TECPR2: variants seen among roughly 807,000 people sequenced by gnomAD.
The protein encoded by TECPR2 is tectonin beta-propeller repeat-containing protein 2.
In TECPR2, 65 loss-of-function variants were observed where a neutral mutation model predicts 138.1. The observed-to-expected ratio is 0.47, with a 90% CI of 0.39 to 0.58. The LOEUF (loss-of-function observed/expected upper bound fraction) is 0.58. Among genes scored for constraint, TECPR2 ranks in the 20% least tolerant of loss-of-function variants. The pLI is 0.00. For missense variants in TECPR2, 1,553 were observed against 1,824.5 expected (o/e 0.85, Z 2.71); for synonymous variants, 746 against 749.8 (o/e 0.99, Z 0.08).
intron 8 of TECPR2, among the ~76,000 whole-genome samples, chr14:102,432,755 C>T (rs1889543261): frequency 6.6e-6 from 1 of 151,128 alleles, no homozygotes; most frequent in South Asian, 2.1e-4. Context: ...CCTGTAATCC[C>T]AACACTTTGG....
Position 102,450,582 on chromosome 14 carries a change from T to A in TECPR2, c.3339T>A (p.Val1113=). Reference sequence around the variant, plus strand: ...CAGGCACCTACTGGAATCATGTGGTTCCCCGTGGGACAGCTTCTGCTACAA... The same window carrying A: ...CAGGCACCTACTGGAATCATGTGGTACCCCGTGGGACAGCTTCTGCTACAA... ...SLIGTYWNHV[V]PRGTASATKW... is the part of the protein sequence containing the mutation. The change falls in exon 15 of 20, where the codon GTT becomes GTA. Residue 1113 remains valine, a synonymous_variant. Coordinates refer to ENST00000359520, the MANE Select transcript of TECPR2 (RefSeq NM_014844.5). 6.2e-7 allele frequency: 1 copy of A among 1,614,196 alleles called. No individual in the cohort carries two copies. The highest frequency in any genetic ancestry group is 8.5e-7 in the Non-Finnish European group (1 of 1,180,036).
Position 102,499,135 on chromosome 14 carries a change from A to ATGGAACC in TECPR2, c.*883_*889dup. The ATGGAACC allele has an allele frequency of 1.4e-6, 1 of 702,994 alleles. No homozygotes were observed. Among genetic ancestry groups the ATGGAACC allele is most frequent in the Non-Finnish European group, 2.6e-6 (1 of 384,990 alleles). The allele number at this position is 702,994 out of a possible 1,614,324, so 43.5% of individuals were successfully genotyped here. A position where few individuals can be genotyped will look rare whatever the true frequency, so the allele number is the denominator to read the frequency against. On this transcript the variant is annotated 3_prime_UTR_variant, in exon 20 of 20. Transcript: ENST00000359520. ...AAACAGTAAAGCCTGATGGGTGCAA[A>ATGGAACC]TGGAACCTGGATGTGTGCACGTGTG...
At position 102,432,129 on chromosome 14, in the gene TECPR2, G is replaced by C; in HGVS notation, c.1417+1G>C. 1 of 1,551,926 alleles carries C rather than the reference G, an allele frequency of 6.4e-7. No individual in the cohort carries two copies. The highest frequency in any genetic ancestry group is 8.7e-7 in the Non-Finnish European group (1 of 1,145,190). On this transcript the variant is annotated splice_donor_variant, in intron 8 of 19. Coordinates refer to ENST00000359520, the MANE Select transcript of TECPR2 (RefSeq NM_014844.5). LOFTEE classifies it high-confidence loss of function. ...AGGAAGAAGAAGAAGAAGAAGACAGGTACCCTCTGTAGCTGGCACACACCC... is the reference window on the plus strand; with the variant it reads ...AGGAAGAAGAAGAAGAAGAAGACAGCTACCCTCTGTAGCTGGCACACACCC...
chr14:102,440,316 G>A lies in TECPR2; in HGVS notation c.2579-120G>A, dbSNP rs1889794729. On this transcript the variant is annotated intron_variant, in intron 10 of 19. Coordinates refer to ENST00000359520, the MANE Select transcript of TECPR2 (RefSeq NM_014844.5). ...TCTGGTGGCCTCTTTCCCCACTTGG[G>A]GGGACAGAACAGGATGTGTTTTAGA... 4.4e-6 allele frequency: 6 copies of A among 1,373,196 alleles called. No homozygotes were observed. The South Asian group carries it at 8.5e-5, about 19-fold the overall frequency. 85.1% of individuals were successfully genotyped at this position (1,373,196 alleles called of 1,614,324 possible).
intron 1 of TECPR2, among the ~76,000 whole-genome samples, chr14:102,364,475 G>C (rs1025934898): frequency 6.6e-6 from 1 of 152,156 alleles, no homozygotes; most frequent in Non-Finnish European, 1.5e-5. Context: ...AAAGATCATG[G>C]TCTGGCCCAT....
At chr14:102,425,737 G>T (rs1042008701) in intron 6 of TECPR2, among the ~76,000 whole-genome samples, 5 of 151,760 alleles carry the variant, frequency 3.3e-5, no homozygotes, top group African/African-American at 1.2e-4. Context: ...CACCACGCCT[G>T]GCTAATTTTT....
At position 102,438,237 on chromosome 14, in the gene TECPR2, T is replaced by TGCTCCCGCTCGCC. The variant is rs766979758; in HGVS notation, c.2578+38_2578+50dup. On this transcript the variant is annotated intron_variant, in intron 10 of 19. Coordinates refer to ENST00000359520, the MANE Select transcript of TECPR2 (RefSeq NM_014844.5). ...CTCCCCGCTCCCTGCTCCCGCTCCC[T>TGCTCCCGCTCGCC]GCTCCCGCTCGCCGCTCCTGCTCCC... 3.9e-5 allele frequency: 44 copies of TGCTCCCGCTCGCC among 1,139,870 alleles called. No homozygotes were observed. The East Asian group carries it at 6.5e-4, about 17-fold the overall frequency. The allele number at this position is 1,139,870 out of a possible 1,614,324, so 70.6% of individuals were successfully genotyped here. A position where few individuals can be genotyped will look rare whatever the true frequency, so the allele number is the denominator to read the frequency against.
chr14:102,437,404 G>A (rs1365846106), intron 9 of TECPR2, among the ~76,000 whole-genome samples: 4 of 152,086 alleles, frequency 2.6e-5, no homozygotes, highest in East Asian at 1.9e-4. Context: ...AAAAATAGCC[G>A]GGTGTGGTGG....
At chr14:102,431,710 TG>T (rs1889496244) in intron 7 of TECPR2, 85 bp from the exon 8 acceptor site, 1 of 1,324,536 alleles carries the variant, frequency 7.5e-7, no homozygotes, top group East Asian at 2.4e-5. Context: ...CTGTGACAAC[TG>T]GTATTTAGGG....
Position 102,420,294 on chromosome 14 carries a change from A to G in TECPR2, c.639-4685A>G, listed in dbSNP as rs1259259423. On this transcript the variant is annotated intron_variant, in intron 5 of 19. Coordinates refer to ENST00000359520, the MANE Select transcript of TECPR2 (RefSeq NM_014844.5). This position sits in a 1 kb window ranked among gnomAD's most constrained non-coding sequence, Gnocchi z 4.1. ...TTGTTTATGATTTTAGAATCCTGCA[A>G]TACTTAGACCTTAAAAGTTGGAGCT... Among the ~76,000 whole-genome samples the G allele has an allele frequency of 6.6e-6, 1 of 152,192 alleles. No individual in the cohort carries two copies. The highest frequency in any genetic ancestry group is 1.5e-5 in the Non-Finnish European group (1 of 68,036).
chr14:102,427,098 T>C (rs1473942114), intron 6 of TECPR2, among the ~76,000 whole-genome samples: 4 of 150,664 alleles, frequency 2.7e-5, no homozygotes, highest in Non-Finnish European at 5.9e-5. Context: ...TAAAATGGGG[T>C]GGGGGTGGAA....
chr14:102,496,299 C>T (rs1299627504), intron 17 of TECPR2, among the ~76,000 whole-genome samples: 2 of 152,110 alleles, frequency 1.3e-5, no homozygotes, highest in South Asian at 2.1e-4. Flanking sequence ...GTGCTGTGCT[C>T]GCGGGCATGG....
chr14:102,394,336 T>C (rs968739194), intron 2 of TECPR2, among the ~76,000 whole-genome samples: 5 of 152,202 alleles, frequency 3.3e-5, no homozygotes, highest in Non-Finnish European at 5.9e-5. Context: ...CCAGGCACGG[T>C]GGCTCACACC....
intron 2 of TECPR2, among the ~76,000 whole-genome samples, chr14:102,400,938 G>A (rs1888460074): frequency 6.6e-6 from 1 of 152,054 alleles, no homozygotes; most frequent in African/African-American, 2.4e-5. Context: ...GGAGGCTGAA[G>A]CAGAGAATTG....
intron 5 of TECPR2, among the ~76,000 whole-genome samples, chr14:102,417,366 A>G (rs979607126): frequency 5.3e-5 from 8 of 152,248 alleles, no homozygotes; most frequent in Non-Finnish European, 1.2e-4. Context: ...GAGGCGTGAC[A>G]GCAAGTACGG....
At chr14:102,467,892 A>G (rs1251469460) in intron 17 of TECPR2, among the ~76,000 whole-genome samples, 1 of 150,918 alleles carries the variant, frequency 6.6e-6, no homozygotes, top group Non-Finnish European at 1.5e-5. Context: ...GCTGGAGTGC[A>G]GTGGCGCAAT....
chr14:102,402,513 A>T (rs1888520538), intron 2 of TECPR2, among the ~76,000 whole-genome samples: 1 of 152,130 alleles, frequency 6.6e-6, no homozygotes, highest in Non-Finnish European at 1.5e-5. Flanking sequence ...AACTAAACTC[A>T]AAACTAGCAG....
At chr14:102,388,434 C>T (rs1411864830) in intron 2 of TECPR2, among the ~76,000 whole-genome samples, 6 of 152,190 alleles carry the variant, frequency 3.9e-5, no homozygotes, top group Non-Finnish European at 8.8e-5. Flanking sequence ...TGGCTCATGC[C>T]TGTAATCCCA....
At position 102,449,833 on chromosome 14, in the gene TECPR2, A is replaced by G; in HGVS notation, c.3280A>G (p.Lys1094Glu). 6.2e-7 allele frequency: 1 copy of G among 1,614,110 alleles called. No individual in the cohort carries two copies. The highest frequency in any genetic ancestry group is 1.7e-5 in the Admixed American group (1 of 60,022). The change falls in exon 14 of 20, where the codon AAG becomes GAG. Residue 1094 changes from lysine to glutamate, a missense_variant. Physicochemically the swap from Lys to Glu is moderately conservative, Grantham distance 56 (BLOSUM62 1). Transcript: ENST00000359520. ...CAGCGGTGTCTGGATCTCCTCGGGC[A>G]AGAATGAATTCCACGTCGCTAAGGG... ...NNSGVWISSG[K>E]NEFHVAKGSL...
Sources: allele counts gnomAD v4.1 joint callset (sites outside exome capture counted in the v4.1 genomes callset), GRCh38; gene constraint gnomAD v4.1.1; non-coding constraint Gnocchi (gnomAD v3.1); transcripts MANE v1.5; gene names NCBI Gene and HGNC (gene_info 2026-07-23, HGNC 2026-07-21).